The following PIAS4 variants were observed in gnomAD, a reference collection of about 807,000 sequenced individuals.
PIAS4 encodes E3 SUMO-protein ligase PIAS4.
A neutral mutation model predicts 58.0 loss-of-function variants in PIAS4; 7 were observed. That is an observed-to-expected ratio of 0.12 (90% confidence interval 0.07 to 0.23). PIAS4 has a LOEUF of 0.23. Among genes scored for constraint, PIAS4 ranks in the 10% least tolerant of loss-of-function variants. The pLI, the probability that PIAS4 is intolerant of heterozygous loss-of-function variation, is 1.00. For synonymous variants in PIAS4, 364 were observed against 312.4 expected (o/e 1.17, Z -1.74); for missense variants, 550 against 709.5 (o/e 0.78, Z 2.55).
intron 9 of PIAS4, among the ~76,000 whole-genome samples, chr19:4,036,103 A>C (rs111211911): frequency 0.35 from 6,431 of 18,390 alleles, 1,178 homozygotes; most frequent in African/African-American, 0.51. Context: ...CCGTCATACA[A>C]ACACACACAC....
At chr19:4,035,052 G>C (rs1381253565) in intron 9 of PIAS4, among the ~76,000 whole-genome samples, 3 of 152,130 alleles carry the variant, frequency 2.0e-5, no homozygotes, top group African/African-American at 7.2e-5. Flanking sequence ...GGGCTTTGGA[G>C]GGTGAAAAGC....
In PIAS4 at chr19:4,026,571, A is replaced by G. The variant is rs570731021; in HGVS notation, c.540-1575A>G. Reference sequence around the variant, plus strand: ...GCCTAGTCTCAGGGCAGTCATGTCCATCCCCAGCAGCTGCCACCCTTCATC... The same window carrying G: ...GCCTAGTCTCAGGGCAGTCATGTCCGTCCCCAGCAGCTGCCACCCTTCATC... On this transcript the variant is annotated intron_variant, in intron 3 of 10. Coordinates refer to ENST00000262971, the MANE Select transcript of PIAS4 (RefSeq NM_015897.4). Among the ~76,000 whole-genome samples, 25 of 33,470 alleles carry G rather than the reference A, an allele frequency of 7.5e-4. No individual in the cohort carries two copies. In the East Asian group the frequency reaches 0.021, roughly 28 times the overall value. 22.0% of individuals were successfully genotyped at this position (33,470 alleles called of 152,430 possible).
At chr19:4,018,420 G>C (rs931167085) in intron 2 of PIAS4, 6 of 152,264 alleles carry the variant, frequency 3.9e-5, no homozygotes, top group African/African-American at 1.4e-4. Flanking sequence ...CTTGGGTGGA[G>C]CCAACGGCTG....
At chr19:4,029,700 C>T (rs2040203936) in intron 7 of PIAS4, among the ~76,000 whole-genome samples, 1 of 151,292 alleles carries the variant, frequency 6.6e-6, no homozygotes, top group Admixed American at 6.6e-5. Flanking sequence ...GGCTACAGTG[C>T]AGTGGTGGGA....
rs1236152544 is a variant in PIAS4 at position 4,037,528 on chromosome 19, G to A, written c.1273+24G>A. On this transcript the variant is annotated intron_variant, in intron 10 of 10. Transcript: ENST00000262971. This position sits in a 1 kb window ranked among gnomAD's most constrained non-coding sequence, Gnocchi z 5.8. ...GGGTGAGTGCCTCACCCCACCAGCC[G>A]CGCAGTCCGCAGCCAGGGCCGCCTC... The A allele has an allele frequency of 5.0e-6, 8 of 1,608,016 alleles. No homozygotes were observed. In the Admixed American group the frequency reaches 5.0e-5, roughly 10 times the overall value.
intron 2 of PIAS4, among the ~76,000 whole-genome samples, chr19:4,016,333 A>C (rs1030540635): frequency 1.3e-5 from 2 of 152,148 alleles, no homozygotes; most frequent in Non-Finnish European, 2.9e-5. Flanking sequence ...CTGCCTGCCC[A>C]CCCGCCTGCT....
At chr19:4,034,550 G>A (rs1036163356) in intron 9 of PIAS4, among the ~76,000 whole-genome samples, 1 of 152,226 alleles carries the variant, frequency 6.6e-6, no homozygotes, top group South Asian at 2.1e-4. Flanking sequence ...GGAGGGCTGG[G>A]TGGCCACCCC....
chr19:4,036,327 C>T (rs1422150276), intron 9 of PIAS4, among the ~76,000 whole-genome samples: 2 of 89,028 alleles, frequency 2.2e-5, no homozygotes, highest in African/African-American at 3.3e-5. Context: ...CTGTTACATG[C>T]ACACATCTAT....
At position 4,013,375 on chromosome 19, in the gene PIAS4, C is replaced by G. The variant is rs548270143; in HGVS notation, c.454+26C>G. 3.2e-6 allele frequency: 5 copies of G among 1,584,644 alleles called. No individual in the cohort carries two copies. The Middle Eastern group carries it at 7.4e-4, about 236-fold the overall frequency. ...GTGAGTGGTCACCCTGGGGAGGCTG[C>G]GACTGGAGGCTTCACCTAGGCCCCG... On this transcript the variant is annotated intron_variant, in intron 2 of 10. Coordinates refer to ENST00000262971, the MANE Select transcript of PIAS4 (RefSeq NM_015897.4). The surrounding 1 kb of genome is among the most constrained non-coding windows in gnomAD (Gnocchi z 5.1).
intron 7 of PIAS4, among the ~76,000 whole-genome samples, chr19:4,031,505 C>T (rs1599230491): frequency 6.6e-6 from 1 of 152,212 alleles, no homozygotes; most frequent in Non-Finnish European, 1.5e-5. Flanking sequence ...CCCGCCCCAC[C>T]TCCCTCTTCC....
At chr19:4,027,853 C>T (rs2040182393) in intron 3 of PIAS4, among the ~76,000 whole-genome samples, 1 of 152,130 alleles carries the variant, frequency 6.6e-6, no homozygotes, top group African/African-American at 2.4e-5. Context: ...TGCTAGATTC[C>T]CGCATGCACG....
In PIAS4 at chr19:4,007,781, G is replaced by A. The variant is rs1599210831; in HGVS notation, c.21G>A (p.Glu7=). Residue 7 remains glutamate (E), a synonymous_variant, in exon 1 of 11, where the codon GAG becomes GAA. Transcript: ENST00000262971. ...CCAAGATGGCGGCGGAGCTGGTGGA[G>A]GCCAAAGTGAGTGAGCGGTGGCGGC... MAAELV[E]AKNMVMSFRV... 4.1e-6 allele frequency: 5 copies of A among 1,216,156 alleles called. No homozygotes were observed. Among genetic ancestry groups the A allele is most frequent in the East Asian group, 6.8e-5 (2 of 29,518 alleles). 75.3% of individuals were successfully genotyped at this position (1,216,156 alleles called of 1,614,324 possible).
Position 4,037,761 on chromosome 19 carries a change from A to G in PIAS4, c.1419A>G (p.Ser473=). ...ADVVDLTLDS[S]SSSEDEEEEE... ...TGGTGGACCTCACGCTGGACAGCTCATCGTCCTCGGAGGATGAGGAGGAGG... is the reference window on the plus strand; with the variant it reads ...TGGTGGACCTCACGCTGGACAGCTCGTCGTCCTCGGAGGATGAGGAGGAGG... Residue 473 remains serine (S), a synonymous_variant, in exon 11 of 11, where the codon TCA becomes TCG. Coordinates refer to ENST00000262971, the MANE Select transcript of PIAS4 (RefSeq NM_015897.4). The surrounding 1 kb of genome is among the most constrained non-coding windows in gnomAD (Gnocchi z 5.8). 6.2e-7 allele frequency: 1 copy of G among 1,607,950 alleles called. No individual in the cohort carries two copies. Among genetic ancestry groups the G allele is most frequent in the Non-Finnish European group, 8.5e-7 (1 of 1,177,494 alleles).
intron 2 of PIAS4, among the ~76,000 whole-genome samples, chr19:4,022,008 A>G (rs375582623): frequency 3.5e-4 from 53 of 152,148 alleles, no homozygotes; most frequent in African/African-American, 1.2e-3. Flanking sequence ...CTCAGCCCCC[A>G]AAGTGCTGGG....
At chr19:4,030,919 C>G (rs1334885819) in intron 7 of PIAS4, among the ~76,000 whole-genome samples, 1 of 152,074 alleles carries the variant, frequency 6.6e-6, no homozygotes, top group Non-Finnish European at 1.5e-5. Flanking sequence ...GAGTGGGAGT[C>G]AGGCAGGTGG....
chr19:4,038,025 C>T lies in PIAS4; in HGVS notation c.*150C>T. On this transcript the variant is annotated 3_prime_UTR_variant, in exon 11 of 11. Coordinates refer to ENST00000262971, the MANE Select transcript of PIAS4 (RefSeq NM_015897.4). The surrounding 1 kb of genome is among the most constrained non-coding windows in gnomAD (Gnocchi z 4.1). ...TTTTGCCTGGCTCCTGGCACCTGTACCTCTGGACTCTCCTATCGGGGGATT... is the reference window on the plus strand; with the variant it reads ...TTTTGCCTGGCTCCTGGCACCTGTATCTCTGGACTCTCCTATCGGGGGATT... The T allele has an allele frequency of 1.1e-5, 8 of 702,836 alleles. No homozygotes were observed. The highest frequency in any genetic ancestry group is 3.8e-5 in the South Asian group (2 of 53,008). The allele number at this position is 702,836 out of a possible 1,614,324, so 43.5% of individuals were successfully genotyped here.
chr19:4,021,274 G>A (rs2040106333), intron 2 of PIAS4, among the ~76,000 whole-genome samples: 1 of 151,946 alleles, frequency 6.6e-6, no homozygotes, highest in Admixed American at 6.6e-5. Context: ...TCAGCCTCCC[G>A]AGTAGCTGGG....
chr19:4,010,310 T>C (rs2039980428), intron 1 of PIAS4, among the ~76,000 whole-genome samples: 1 of 152,140 alleles, frequency 6.6e-6, no homozygotes, highest in East Asian at 1.9e-4. Flanking sequence ...GAGCTGCGGC[T>C]CCACTGTCCA....
chr19:4,007,780 A>G lies in PIAS4; in HGVS notation c.20A>G (p.Glu7Gly). Residue 7 changes from glutamate (E) to glycine (G), a missense_variant, in exon 1 of 11, where the codon GAG becomes GGG. Around this residue, in one of 4 missense-constraint regions of PIAS4, gnomAD observed 42 missense variants for 84.3 expected, o/e 0.50. Coordinates refer to ENST00000262971, the MANE Select transcript of PIAS4 (RefSeq NM_015897.4). The part of the protein sequence containing the change: MAAELV[E>G]AKNMVMSFRV... ...ACCAAGATGGCGGCGGAGCTGGTGGAGGCCAAAGTGAGTGAGCGGTGGCGG... is the reference window on the plus strand; with the variant it reads ...ACCAAGATGGCGGCGGAGCTGGTGGGGGCCAAAGTGAGTGAGCGGTGGCGG... 8.2e-7 allele frequency: 1 copy of G among 1,214,952 alleles called. No individual in the cohort carries two copies. The highest frequency in any genetic ancestry group is 1.6e-5 in the African/African-American group (1 of 63,084). The allele number at this position is 1,214,952 out of a possible 1,614,324, so 75.3% of individuals were successfully genotyped here.
Sources: gnomAD v4.1 joint callset for allele counts (sites outside exome capture counted in the v4.1 genomes callset) on GRCh38, gnomAD v4.1.1 for gene constraint, gnomAD v4.1.1 regional missense constraint, Gnocchi (gnomAD v3.1) non-coding constraint, MANE v1.5 for transcripts, NCBI Gene and HGNC (gene_info 2026-07-23, HGNC 2026-07-21) for gene names.